Variants in ROBO2 observed in about 807,000 individuals in gnomAD.
The protein encoded by ROBO2 is roundabout guidance receptor 2, also known as roundabout homolog 2.
In ROBO2, 53 loss-of-function variants were observed where a neutral mutation model predicts 160.8. That is an observed-to-expected ratio of 0.33 (90% CI 0.26 to 0.41). The LOEUF (loss-of-function observed/expected upper bound fraction) is 0.41. Among genes scored for constraint, ROBO2 ranks in the 10% least tolerant of loss-of-function variants. ROBO2 has a pLI of 1.00. For missense variants in ROBO2, 1,577 were observed against 1,722.4 expected (o/e 0.92, Z 1.49); for synonymous variants, 664 against 611.7 (o/e 1.09, Z -1.26).
chr3:76,327,500 T>C (rs183572193), intron 2 of ROBO2, among the ~76,000 whole-genome samples: 2 of 152,294 alleles, frequency 1.3e-5, no homozygotes, highest in African/African-American at 2.4e-5. Context: ...CACAATTCAA[T>C]ATCATAAAAA....
chr3:76,057,424 G>A lies in ROBO2; in HGVS notation c.109+119822G>A, dbSNP rs1426437388. ...GTTAGAAATACTTTAAAGGAGACAA[G>A]CATTCTCCTTAAAATGCTAGAATAT... On this transcript the variant is annotated intron_variant, in intron 2 of 26. Coordinates refer to the ROBO2 transcript ENST00000487694. Among the ~76,000 whole-genome samples the A allele has an allele frequency of 2.0e-5, 3 of 152,268 alleles. No individual in the cohort carries two copies. In the South Asian group the frequency reaches 6.2e-4, roughly 32 times the overall value.
At chr3:77,588,684 C>T in intron 16 of ROBO2, 67 bp from the exon 18 acceptor site, 1 of 1,428,844 alleles carries the variant, frequency 7.0e-7, no homozygotes, top group South Asian at 1.2e-5. Context: ...ATTTTTGATG[C>T]ACCATGTTTA....
At chr3:76,931,997 A>C (rs1282275065) in intron 2 of ROBO2, among the ~76,000 whole-genome samples, 1 of 152,140 alleles carries the variant, frequency 6.6e-6, no homozygotes, top group Non-Finnish European at 1.5e-5. Context: ...TTTAAAGTAC[A>C]CAGATGTGCC....
At chr3:76,081,263 C>T (rs1158344066) in intron 2 of ROBO2, among the ~76,000 whole-genome samples, 3 of 151,900 alleles carry the variant, frequency 2.0e-5, no homozygotes, top group Non-Finnish European at 4.4e-5. Context: ...GGTTCTAAAA[C>T]ATAGATTTAT....
chr3:75,949,431 G>A (rs1948450554), intron 2 of ROBO2, among the ~76,000 whole-genome samples: 1 of 152,030 alleles, frequency 6.6e-6, no homozygotes, highest in East Asian at 1.9e-4. Context: ...TAGCTTCTCA[G>A]AAGTCCCTTT....
chr3:76,869,296 A>G lies in ROBO2; in HGVS notation c.110-228718A>G, dbSNP rs111785261. On this transcript the variant is annotated intron_variant, in intron 2 of 26. Coordinates refer to the ROBO2 transcript ENST00000487694. ...TAACATATTTTCGCAACAAATGGACATGTATAGTATTTGTTGAATATTTTA... is the reference window on the plus strand; with the variant it reads ...TAACATATTTTCGCAACAAATGGACGTGTATAGTATTTGTTGAATATTTTA... Among the ~76,000 whole-genome samples, 1,402 of 149,896 alleles carry G rather than the reference A, an allele frequency of 9.4e-3. 15 individuals are homozygous for G. Among genetic ancestry groups the G allele is most frequent in the African/African-American group, 0.033 (1,354 of 40,640 alleles).
At chr3:77,525,774 C>A (rs1287155242) in intron 6 of ROBO2, among the ~76,000 whole-genome samples, 1 of 150,080 alleles carries the variant, frequency 6.7e-6, no homozygotes, top group Non-Finnish European at 1.5e-5. Flanking sequence ...CATGATTTCT[C>A]ACCACAGTTT....
At chr3:77,222,633 G>C (rs889174725) in intron 2 of ROBO2, among the ~76,000 whole-genome samples, 2 of 152,150 alleles carry the variant, frequency 1.3e-5, no homozygotes, top group Admixed American at 6.5e-5. Flanking sequence ...AACAACTGCT[G>C]TTCAAAAACT....
At chr3:77,335,048 A>T (rs2066350392) in intron 2 of ROBO2, among the ~76,000 whole-genome samples, 1 of 152,230 alleles carries the variant, frequency 6.6e-6, no homozygotes, top group South Asian at 2.1e-4. Context: ...AGGTTGTTTA[A>T]GTACACACAT....
intron 2 of ROBO2, among the ~76,000 whole-genome samples, chr3:76,435,729 G>T (rs1473351693): frequency 6.6e-6 from 1 of 152,070 alleles, no homozygotes; most frequent in Admixed American, 6.5e-5. Context: ...AGCTTTTGGG[G>T]GTTATTCTAC....
intron 2 of ROBO2, among the ~76,000 whole-genome samples, chr3:76,561,779 G>A (rs564001702): frequency 6.6e-6 from 1 of 152,084 alleles, no homozygotes; most frequent in Non-Finnish European, 1.5e-5. Flanking sequence ...CTTTGATGCG[G>A]TCCTTTTTAT....
At chr3:76,023,652 A>G (rs1339782619) in intron 2 of ROBO2, among the ~76,000 whole-genome samples, 2 of 151,618 alleles carry the variant, frequency 1.3e-5, no homozygotes, top group African/African-American at 4.8e-5. Context: ...ACAGATAACT[A>G]TAACTATATA....
intron 16 of ROBO2, among the ~76,000 whole-genome samples, chr3:77,586,123 T>A (rs138607654): frequency 3.4e-4 from 52 of 152,274 alleles, no homozygotes; most frequent in African/African-American, 1.1e-3. Flanking sequence ...TTGGTGTTGT[T>A]CTTTTCTGTG....
At chr3:75,945,159 C>T (rs557113638) in intron 2 of ROBO2, among the ~76,000 whole-genome samples, 1 of 152,224 alleles carries the variant, frequency 6.6e-6, no homozygotes, top group African/African-American at 2.4e-5. Flanking sequence ...ACTCTGCCAT[C>T]ATGAAGCTTG....
intron 2 of ROBO2, among the ~76,000 whole-genome samples, chr3:75,998,641 C>G (rs929495007): frequency 1.3e-5 from 2 of 152,148 alleles, no homozygotes; most frequent in Non-Finnish European, 2.9e-5. Flanking sequence ...TGTTTTCAAA[C>G]AATGTCAGTT....
chr3:77,498,068 G>A (rs553335578), intron 5 of ROBO2, among the ~76,000 whole-genome samples: 22 of 152,098 alleles, frequency 1.4e-4, no homozygotes, highest in Non-Finnish European at 2.9e-4. Context: ...GTGCATGTCA[G>A]CAGAGTTTGT....
intron 2 of ROBO2, among the ~76,000 whole-genome samples, chr3:76,472,478 C>T (rs2078717360): frequency 6.6e-6 from 1 of 152,030 alleles, no homozygotes; most frequent in Non-Finnish European, 1.5e-5. Flanking sequence ...CTATCTATAC[C>T]TGATACATTA....
At chr3:77,647,592 T>C (rs1263247459) in exon 26 of ROBO2, 1 of 152,154 alleles carries the variant, frequency 6.6e-6, no homozygotes, top group African/African-American at 2.4e-5. Flanking sequence ...TCAGAATAAA[T>C]GTGACTTTGA....
chr3:76,006,695 A>G (rs1480645286), intron 2 of ROBO2, among the ~76,000 whole-genome samples: 1 of 152,100 alleles, frequency 6.6e-6, no homozygotes, highest in African/African-American at 2.4e-5. Flanking sequence ...AGTGCCTGAA[A>G]TATAGTAGGT....
Sources: allele counts gnomAD v4.1 joint callset (sites outside exome capture counted in the v4.1 genomes callset), GRCh38; gene constraint gnomAD v4.1.1; transcripts MANE v1.5; gene names NCBI Gene and HGNC (gene_info 2026-07-23, HGNC 2026-07-21).